PDZD2: variants seen among roughly 807,000 people sequenced by gnomAD.
PDZD2 encodes PDZ domain-containing protein 2.
A neutral mutation model predicts 220.7 loss-of-function variants in PDZD2; 90 were observed. The observed-to-expected ratio is 0.41, with a 90% confidence interval of 0.34 to 0.49. The LOEUF is 0.49. Ranked by LOEUF, PDZD2 falls within the 20% of genes least tolerant of loss-of-function variation. PDZD2 has a pLI of 0.28. For missense variants in PDZD2, 3,174 were observed against 3,608.5 expected (o/e 0.88, Z 3.08); for synonymous variants, 1,375 against 1,450.5 (o/e 0.95, Z 1.18).
chr5:31,796,811 A>G (rs999909685), intron 1 of PDZD2, among the ~76,000 whole-genome samples: 1 of 152,212 alleles, frequency 6.6e-6, no homozygotes, highest in Admixed American at 6.5e-5. Flanking sequence ...AAATGAGTGC[A>G]AATCGACACC....
At chr5:31,732,270 TGGGG>T (rs1749579993) in intron 1 of PDZD2, among the ~76,000 whole-genome samples, 1 of 151,868 alleles carries the variant, frequency 6.6e-6, no homozygotes, top group Non-Finnish European at 1.5e-5. Context: ...TGTGGAGAGG[TGGGG>T]TAAGAGTTTG....
rs781370177 is a variant in PDZD2 at position 31,883,023 on chromosome 5, CAAAAAAAAAAAA to C, written c.476+83313_476+83324del. ...CCATCCTGGGTGACAGACTCTGTCT[CAAAAAAAAAAAA>C]AAAAAAAAAAAAAGGCCCAGGGGGC... On this transcript the variant is annotated intron_variant, in intron 2 of 24. Coordinates refer to ENST00000438447, the MANE Select transcript of PDZD2 (RefSeq NM_178140.4). 4.0e-3 allele frequency among the ~76,000 whole-genome samples: 193 copies of C among 47,972 alleles called. 2 individuals carry two copies. The highest frequency in any genetic ancestry group is 5.4e-3 in the Non-Finnish European group (147 of 27,430). 31.5% of individuals were successfully genotyped at this position (47,972 alleles called of 152,430 possible).
intron 2 of PDZD2, among the ~76,000 whole-genome samples, chr5:31,958,208 G>C (rs1196666919): frequency 6.6e-6 from 1 of 151,978 alleles, no homozygotes. Flanking sequence ...GAAATGGCAG[G>C]CATCATTTGT....
intron 2 of PDZD2, among the ~76,000 whole-genome samples, chr5:31,837,724 C>CAA (rs201676836): frequency 1.1e-4 from 16 of 148,604 alleles, no homozygotes; most frequent in Middle Eastern, 3.5e-3. Context: ...GACTCCATCT[C>CAA]AAAAAAATAA....
intron 7 of PDZD2, among the ~76,000 whole-genome samples, chr5:32,043,597 G>A (rs928943352): frequency 2.0e-5 from 3 of 152,228 alleles, no homozygotes; most frequent in South Asian, 2.1e-4. Flanking sequence ...GCCATGAGGC[G>A]GCTGCCACTG....
intron 1 of PDZD2, among the ~76,000 whole-genome samples, chr5:31,685,640 T>C (rs1370692754): frequency 1.3e-5 from 2 of 152,094 alleles, no homozygotes; most frequent in African/African-American, 4.8e-5. Flanking sequence ...CCTCCCACCT[T>C]AGCCTTCCGA....
At chr5:32,047,143 G>A (rs1738049444) in intron 7 of PDZD2, among the ~76,000 whole-genome samples, 1 of 152,098 alleles carries the variant, frequency 6.6e-6, no homozygotes. Context: ...ACTTGTTCAG[G>A]CACTTTACAA....
At chr5:31,885,738 GTGA>G in intron 2 of PDZD2, among the ~76,000 whole-genome samples, 1 of 152,200 alleles carries the variant, frequency 6.6e-6, no homozygotes, top group South Asian at 2.1e-4. Flanking sequence ...ATTAAGTCAA[GTGA>G]TGATTTTTTT....
intron 1 of PDZD2, among the ~76,000 whole-genome samples, chr5:31,698,309 G>A (rs1364898500): frequency 3.4e-5 from 5 of 149,054 alleles, no homozygotes; most frequent in Non-Finnish European, 6.0e-5. Context: ...TATTGAAAAA[G>A]AGAAGGCCGG....
At chr5:31,859,359 C>G (rs545656689) in intron 2 of PDZD2, among the ~76,000 whole-genome samples, 1 of 152,136 alleles carries the variant, frequency 6.6e-6, no homozygotes, top group Non-Finnish European at 1.5e-5. Context: ...GTTACATTAC[C>G]CTTTTTCTTA....
intron 2 of PDZD2, among the ~76,000 whole-genome samples, chr5:31,884,469 G>T (rs970600668): frequency 1.3e-5 from 2 of 152,118 alleles, no homozygotes; most frequent in African/African-American, 4.8e-5. Flanking sequence ...AGGAATTGGT[G>T]AGACCCTAGG....
intron 2 of PDZD2, among the ~76,000 whole-genome samples, chr5:31,874,850 T>G (rs1444559187): frequency 6.6e-6 from 1 of 152,096 alleles, no homozygotes; most frequent in East Asian, 1.9e-4. Context: ...GAATATTTTG[T>G]CATATTTGCT....
chr5:32,078,623 C>T (rs1247343318), intron 19 of PDZD2, among the ~76,000 whole-genome samples: 3 of 120,214 alleles, frequency 2.5e-5, no homozygotes, highest in Non-Finnish European at 5.0e-5. Context: ...TACAGTGAAA[C>T]TGTGTCTCAA....
intron 2 of PDZD2, among the ~76,000 whole-genome samples, chr5:31,816,343 C>A (rs955000930): frequency 6.6e-6 from 1 of 150,872 alleles, no homozygotes; most frequent in Non-Finnish European, 1.5e-5. Flanking sequence ...ACAAGTGATT[C>A]AAATTTGAGG....
chr5:31,917,285 C>T (rs986848977), intron 2 of PDZD2, among the ~76,000 whole-genome samples: 5 of 152,164 alleles, frequency 3.3e-5, no homozygotes, highest in Non-Finnish European at 5.9e-5. Context: ...CAGTGGCTCA[C>T]GTCTATAATC....
At chr5:31,712,622 C>T (rs1305870986) in intron 1 of PDZD2, among the ~76,000 whole-genome samples, 1 of 152,180 alleles carries the variant, frequency 6.6e-6, no homozygotes, top group Non-Finnish European at 1.5e-5. Flanking sequence ...GCTGCTAATT[C>T]TTCTAAAGGT....
At chr5:31,854,889 C>T (rs1326507150) in intron 2 of PDZD2, 1 of 780,914 alleles carries the variant, frequency 1.3e-6, no homozygotes, top group South Asian at 5.8e-5. Context: ...TTTTCCTAAC[C>T]TCCTCCACCG....
At chr5:31,799,834 A>C in intron 2 of PDZD2, 110 bp downstream of exon 2, 1 of 721,866 alleles carries the variant, frequency 1.4e-6, no homozygotes, top group Admixed American at 2.3e-5. Context: ...AGCTGATGGC[A>C]TAAGAAATGT....
chr5:31,986,258 C>A (rs1056845785), intron 3 of PDZD2, among the ~76,000 whole-genome samples: 1 of 152,076 alleles, frequency 6.6e-6, no homozygotes, highest in South Asian at 2.1e-4. Context: ...AAGCCGCATG[C>A]CTATAGAAAG....
Sources: allele counts gnomAD v4.1 joint callset (sites outside exome capture counted in the v4.1 genomes callset), GRCh38; gene constraint gnomAD v4.1.1; transcripts MANE v1.5; gene names NCBI Gene and HGNC (gene_info 2026-07-23, HGNC 2026-07-21).